Variants in PHC2 observed in about 807,000 individuals in gnomAD.
PHC2 encodes polyhomeotic-like protein 2.
In PHC2, 29 loss-of-function variants were observed where a neutral mutation model predicts 87.4. The observed-to-expected ratio is 0.33, with a 90% CI of 0.25 to 0.45. The LOEUF (loss-of-function observed/expected upper bound fraction) is 0.45, where lower values mean the gene tolerates loss of function less well. PHC2 is among the 20% of genes least tolerant of loss of function. The pLI, the probability that PHC2 is intolerant of heterozygous loss-of-function variation, is 1.00. For synonymous variants in PHC2, 438 were observed against 461.7 expected, an observed-to-expected ratio of 0.95 and a Z score of 0.66; for missense variants, 857 against 1,136.7, an observed-to-expected ratio of 0.75 and a Z score of 3.54.
At chr1:33,327,397 C>T (rs1454297870) in intron 14 of PHC2, among the ~76,000 whole-genome samples, 1 of 152,072 alleles carries the variant, frequency 6.6e-6, no homozygotes, top group African/African-American at 2.4e-5. Context: ...TGGGACCAAA[C>T]TGTCGGGGAT....
chr1:33,430,208 A>T (rs1650847133), intron 1 of PHC2, among the ~76,000 whole-genome samples: 1 of 152,198 alleles, frequency 6.6e-6, no homozygotes, highest in South Asian at 2.1e-4. Context: ...TCCGTGTATG[A>T]CAGACCCGAT....
Position 33,370,553 on chromosome 1 carries a change from C to A in PHC2, c.444G>T (p.Gln148His), listed in dbSNP as rs779004256. Residue 148 changes from glutamine to histidine, a missense_variant, in exon 5 of 15, where the codon CAG becomes CAT. Around this residue, in one of 3 missense-constraint regions of PHC2, gnomAD observed 832 missense variants for 1,081.8 expected, o/e 0.77. Transcript: ENST00000683057. ...INLAASPAAAQLLNRAQSVNS... is the reference protein window; with the variant it reads ...INLAASPAAAHLLNRAQSVNS... ...TCACACTCTGGGCCCGGTTGAGGAG[C>A]TGGGCTGCTGCTGGGGAGGCTGCCA... 13 of 1,613,678 alleles carry A rather than the reference C, an allele frequency of 8.1e-6. No homozygotes were observed. The South Asian group carries it at 1.4e-4, about 18-fold the overall frequency.
intron 9 of PHC2, among the ~76,000 whole-genome samples, chr1:33,335,981 G>GTTT (rs1646623096): frequency 8.9e-6 from 1 of 112,612 alleles, no homozygotes; most frequent in Non-Finnish European, 1.8e-5. Context: ...TGTTTTTGTT[G>GTTT]TTGTTGTTGT....
intron 9 of PHC2, among the ~76,000 whole-genome samples, chr1:33,338,433 T>C (rs1247016251): frequency 1.3e-5 from 2 of 152,256 alleles, no homozygotes; most frequent in East Asian, 3.9e-4. Flanking sequence ...TTTATGAATA[T>C]ACAAAGGTTC....
At position 33,364,098 on chromosome 1, in the gene PHC2, C is replaced by T. The variant is rs1647290749; in HGVS notation, c.976+3018G>A. ...GCCAAGGTGACAGGAGCAGGAACAG[C>T]AGGGAGCTTGCCATGGGGGAGGGGC... On this transcript the variant is annotated intron_variant, in intron 7 of 14. Transcript: ENST00000683057. The surrounding 1 kb of genome is among the most constrained non-coding windows in gnomAD (Gnocchi z 4.1). 1.3e-5 allele frequency among the ~76,000 whole-genome samples: 2 copies of T among 152,046 alleles called. No homozygotes were observed. Among genetic ancestry groups the T allele is most frequent in the African/African-American group, 4.8e-5 (2 of 41,408 alleles).
At chr1:33,344,276 A>G (rs937033647) in intron 9 of PHC2, among the ~76,000 whole-genome samples, 1 of 152,232 alleles carries the variant, frequency 6.6e-6, no homozygotes, top group African/African-American at 2.4e-5. Flanking sequence ...TTTCAGGTTG[A>G]TAACAGGGAA....
At position 33,390,050 on chromosome 1, in the gene PHC2, A is replaced by G. The variant is rs185347092; in HGVS notation, c.-54-14457T>C. 1.6e-4 allele frequency among the ~76,000 whole-genome samples: 25 copies of G among 152,270 alleles called. No homozygotes were observed. In the East Asian group the frequency reaches 4.7e-3, roughly 28 times the overall value. On this transcript the variant is annotated intron_variant, in intron 1 of 14. Coordinates refer to ENST00000683057, the MANE Select transcript of PHC2 (RefSeq NM_001385109.1). ...AGATAGATTTCAACTGAATAGAAAA[A>G]AAGTGCTTCCTAATCACTGGAGCTG...
At chr1:33,325,606 CCTCT>C (rs1295294299) in intron 14 of PHC2, 5 of 290,038 alleles carry the variant, frequency 1.7e-5, no homozygotes, top group East Asian at 8.9e-5. Flanking sequence ...GAGCAGATAA[CCTCT>C]CTGTTTCTAG....
At chr1:33,394,430 C>T (rs1649212910) in intron 1 of PHC2, among the ~76,000 whole-genome samples, 1 of 152,206 alleles carries the variant, frequency 6.6e-6, no homozygotes, top group South Asian at 2.1e-4. Context: ...GTTAAACCTT[C>T]AGTGACTCTC....
intron 1 of PHC2, among the ~76,000 whole-genome samples, chr1:33,398,815 C>G (rs1649399450): frequency 6.6e-6 from 1 of 152,126 alleles, no homozygotes; most frequent in Non-Finnish European, 1.5e-5. Context: ...GCACTGGTTT[C>G]TAGGATGGCT....
intron 7 of PHC2, among the ~76,000 whole-genome samples, chr1:33,360,099 T>G (rs749471599): frequency 6.6e-6 from 1 of 152,198 alleles, no homozygotes; most frequent in Non-Finnish European, 1.5e-5. Flanking sequence ...ACACAAATTT[T>G]CCATGATGCA....
intron 1 of PHC2, among the ~76,000 whole-genome samples, chr1:33,408,723 C>T (rs371151635): frequency 6.6e-6 from 1 of 152,112 alleles, no homozygotes; most frequent in African/African-American, 2.4e-5. Context: ...CCTCGGCCCC[C>T]CAAAGTGCTG....
chr1:33,413,737 A>G (rs766985433), intron 1 of PHC2, among the ~76,000 whole-genome samples: 1 of 152,236 alleles, frequency 6.6e-6, no homozygotes, highest in African/African-American at 2.4e-5. Flanking sequence ...ACTGGCCTAT[A>G]TAGATAATAA....
intron 1 of PHC2, among the ~76,000 whole-genome samples, chr1:33,393,408 A>C (rs950662187): frequency 1.3e-5 from 2 of 150,986 alleles, no homozygotes; most frequent in African/African-American, 4.9e-5. Flanking sequence ...CCTCATTTAA[A>C]TGGTTGAACA....
intron 9 of PHC2, among the ~76,000 whole-genome samples, chr1:33,338,463 G>A (rs1317730035): frequency 6.6e-6 from 1 of 152,216 alleles, no homozygotes; most frequent in East Asian, 1.9e-4. Flanking sequence ...TCGCTTTGCA[G>A]TCATCTTGTA....
chr1:33,363,851 A>G, intron 7 of PHC2: 1 of 985,272 alleles, frequency 1.0e-6, no homozygotes, highest in Non-Finnish European at 1.2e-6. Flanking sequence ...GCTTCCCTGA[A>G]GGCCAGGCCC....
rs1028574331 is a variant in PHC2 at position 33,394,481 on chromosome 1, A to C, written c.-54-18888T>G. On this transcript the variant is annotated intron_variant, in intron 1 of 14. Transcript: ENST00000683057. ...TCAGAACCACAGCAGTGCATGCTGG[A>C]AACACCAATGCCTGGGCCCCACTCC... Among the ~76,000 whole-genome samples, 5 of 152,336 alleles carry C rather than the reference A, an allele frequency of 3.3e-5. No homozygotes were observed. The East Asian group carries it at 9.6e-4, about 29-fold the overall frequency.
chr1:33,400,031 TA>T (rs547094515), intron 1 of PHC2, among the ~76,000 whole-genome samples: 1,727 of 144,304 alleles, frequency 0.012, 27 homozygotes, highest in African/African-American at 0.036. Flanking sequence ...TTATTATTTG[TA>T]AAAAAAAAAA....
At chr1:33,414,267 C>T (rs1197089096) in intron 1 of PHC2, among the ~76,000 whole-genome samples, 1 of 151,636 alleles carries the variant, frequency 6.6e-6, no homozygotes, top group Admixed American at 6.6e-5. Context: ...ATAACCTGCC[C>T]CAGGATAGAT....
Sources: gnomAD v4.1 joint callset for allele counts (sites outside exome capture counted in the v4.1 genomes callset) on GRCh38, gnomAD v4.1.1 for gene constraint, gnomAD v4.1.1 regional missense constraint, Gnocchi (gnomAD v3.1) non-coding constraint, MANE v1.5 for transcripts, NCBI Gene and HGNC (gene_info 2026-07-23, HGNC 2026-07-21) for gene names.